Variants in SGCG observed in about 807,000 individuals in gnomAD.
The protein encoded by SGCG is sarcoglycan gamma.
Under a neutral mutation model 29.3 loss-of-function variants are expected in SGCG, and 26 were observed. The observed-to-expected ratio is 0.89, with a 90% CI of 0.65 to 1.23. SGCG has a LOEUF of 1.23. Ranked by LOEUF, SGCG falls within the 50% of genes most tolerant of loss-of-function variation. The pLI is 0.00. For synonymous variants in SGCG, 145 were observed against 129.7 expected, an observed-to-expected ratio of 1.12 and a Z score of -0.80; for missense variants, 353 against 356.0, an observed-to-expected ratio of 0.99 and a Z score of 0.07.
intron 1 of SGCG, among the ~76,000 whole-genome samples, chr13:23,182,201 A>T (rs1038695489): frequency 6.6e-6 from 1 of 152,204 alleles, no homozygotes. Flanking sequence ...TTGTTATTAA[A>T]TTGCATTAAA....
chr13:23,223,832 G>T (rs1252003291), intron 2 of SGCG, among the ~76,000 whole-genome samples: 4 of 152,102 alleles, frequency 2.6e-5, no homozygotes, highest in Non-Finnish European at 5.9e-5. Context: ...CAGGTGTGGT[G>T]GTGCGTGCCT....
chr13:23,274,465 C>G (rs1173221240), intron 4 of SGCG, among the ~76,000 whole-genome samples: 1 of 125,478 alleles, frequency 8.0e-6, no homozygotes, highest in African/African-American at 3.1e-5. Context: ...TGCAGTGGTG[C>G]GATCTTGGCT....
chr13:23,163,718 A>C, the SGCG span, among the ~76,000 whole-genome samples: 1 of 152,204 alleles, frequency 6.6e-6, no homozygotes. Flanking sequence ...ATTTGTTGCT[A>C]AACTCTTTTT....
At chr13:23,299,136 A>G (rs2137651061) in intron 6 of SGCG, among the ~76,000 whole-genome samples, 1 of 152,140 alleles carries the variant, frequency 6.6e-6, no homozygotes, top group East Asian at 1.9e-4. Context: ...TGTAAGTCAC[A>G]AAACTAAAAA....
intron 6 of SGCG, among the ~76,000 whole-genome samples, chr13:23,316,787 CAAT>C (rs1363781850): frequency 1.3e-5 from 2 of 152,206 alleles, no homozygotes; most frequent in Admixed American, 6.5e-5. Flanking sequence ...GGAGACACAA[CAAT>C]GATTCCATTA....
At chr13:23,301,816 C>G (rs1008488414) in intron 6 of SGCG, among the ~76,000 whole-genome samples, 1 of 151,706 alleles carries the variant, frequency 6.6e-6, no homozygotes, top group African/African-American at 2.4e-5. Flanking sequence ...CGCTTGAACC[C>G]GGGAGGCAGA....
chr13:23,225,226 C>A (rs1302005828), intron 2 of SGCG, among the ~76,000 whole-genome samples: 1 of 152,178 alleles, frequency 6.6e-6, no homozygotes. Context: ...CAAATGTTAC[C>A]TTCCATGGCC....
intron 4 of SGCG, among the ~76,000 whole-genome samples, chr13:23,252,535 C>A (rs1015620173): frequency 1.3e-5 from 2 of 151,938 alleles, no homozygotes; most frequent in Non-Finnish European, 2.9e-5. Flanking sequence ...ACTAAAAATA[C>A]TAAAAATTAG....
At chr13:23,280,136 A>G (rs1041909039) in intron 5 of SGCG, among the ~76,000 whole-genome samples, 7 of 152,080 alleles carry the variant, frequency 4.6e-5, no homozygotes, top group South Asian at 2.1e-4. Context: ...TCATCACATC[A>G]TGTACTTGAA....
chr13:23,265,814 G>A (rs555718582), intron 4 of SGCG, among the ~76,000 whole-genome samples: 1 of 152,250 alleles, frequency 6.6e-6, no homozygotes, highest in Non-Finnish European at 1.5e-5. Context: ...CTTAGACACT[G>A]CTGATGGGAA....
intron 2 of SGCG, among the ~76,000 whole-genome samples, chr13:23,210,110 C>A (rs1878135060): frequency 6.6e-6 from 1 of 152,168 alleles, no homozygotes; most frequent in Non-Finnish European, 1.5e-5. Flanking sequence ...ACTAGGGAAG[C>A]AGCAATAAGA....
chr13:23,308,052 G>A (rs1371446640), intron 6 of SGCG, among the ~76,000 whole-genome samples: 2 of 152,196 alleles, frequency 1.3e-5, no homozygotes, highest in African/African-American at 4.8e-5. Context: ...GATTGCTGAA[G>A]ATCGTGAATG....
intron 2 of SGCG, among the ~76,000 whole-genome samples, chr13:23,230,691 C>G (rs61946679): frequency 0.15 from 22,906 of 152,204 alleles, 1,778 homozygotes; most frequent in East Asian, 0.29. Flanking sequence ...TGGGCAGAGA[C>G]TATGGGTTAT....
At chr13:23,210,409 C>T (rs926724199) in intron 2 of SGCG, among the ~76,000 whole-genome samples, 14 of 152,060 alleles carry the variant, frequency 9.2e-5, no homozygotes, top group African/African-American at 2.2e-4. Context: ...ATAGATTTCA[C>T]GGCTGGGCGC....
intron 2 of SGCG, among the ~76,000 whole-genome samples, chr13:23,207,057 A>G (rs1878007010): frequency 6.6e-6 from 1 of 152,234 alleles, no homozygotes; most frequent in African/African-American, 2.4e-5. Flanking sequence ...ATGCTTCCTG[A>G]TTTTGAAATA....
intron 5 of SGCG, among the ~76,000 whole-genome samples, chr13:23,286,872 T>G (rs939883002): frequency 6.6e-6 from 1 of 152,220 alleles, no homozygotes; most frequent in African/African-American, 2.4e-5. Flanking sequence ...TTAACACTTA[T>G]GAATTGTTTA....
intron 4 of SGCG, among the ~76,000 whole-genome samples, chr13:23,275,934 C>T (rs1051055883): frequency 8.5e-5 from 13 of 152,080 alleles, no homozygotes; most frequent in African/African-American, 3.1e-4. Context: ...GCTAATGAGA[C>T]ACATTGTATA....
intron 4 of SGCG, among the ~76,000 whole-genome samples, chr13:23,272,857 G>T (rs1179281625): frequency 6.6e-6 from 1 of 152,074 alleles, no homozygotes; most frequent in Non-Finnish European, 1.5e-5. Flanking sequence ...TTTCCCTGTG[G>T]AACTGCCTGT....
chr13:23,283,969 C>G (rs139430212), intron 5 of SGCG, among the ~76,000 whole-genome samples: 65,920 of 152,076 alleles, frequency 0.43, 15,129 homozygotes, highest in Middle Eastern at 0.65. Flanking sequence ...TCTGCAGAGA[C>G]ATCCACTGTT....
Sources: allele counts gnomAD v4.1 joint callset (sites outside exome capture counted in the v4.1 genomes callset), GRCh38; gene constraint gnomAD v4.1.1; transcripts MANE v1.5; gene names NCBI Gene and HGNC (gene_info 2026-07-23, HGNC 2026-07-21).